TEK: variants seen among roughly 807,000 people sequenced by gnomAD.
TEK encodes the protein angiopoietin-1 receptor.
Under a neutral mutation model 131.8 loss-of-function variants are expected in TEK, and 43 were observed. The observed-to-expected ratio is 0.33, with a 90% CI of 0.26 to 0.42. The LOEUF (loss-of-function observed/expected upper bound fraction) is 0.42, where lower values mean the gene tolerates loss of function less well. TEK is among the 10% of genes least tolerant of loss of function. TEK has a pLI of 1.00. For missense variants in TEK, 1,162 were observed against 1,384.4 expected, an observed-to-expected ratio of 0.84 and a Z score of 2.55; for synonymous variants, 580 against 491.6, an observed-to-expected ratio of 1.18 and a Z score of -2.38.
At chr9:27,226,479 G>C (rs993472664) in intron 21 of TEK, among the ~76,000 whole-genome samples, 1 of 152,030 alleles carries the variant, frequency 6.6e-6, no homozygotes, top group African/African-American at 2.4e-5. Flanking sequence ...ACTAGCACAA[G>C]AACAGAAGAC....
chr9:27,135,941 T>G (rs903710755), intron 1 of TEK, among the ~76,000 whole-genome samples: 3 of 152,212 alleles, frequency 2.0e-5, no homozygotes, highest in Admixed American at 2.0e-4. Flanking sequence ...TTAAAAATGT[T>G]TATCTTTTTG....
chr9:27,183,227 A>G (rs1362330728), intron 7 of TEK, among the ~76,000 whole-genome samples: 1 of 152,168 alleles, frequency 6.6e-6, no homozygotes, highest in Non-Finnish European at 1.5e-5. Flanking sequence ...TGGACTCTGG[A>G]TTTATAAAGA....
chr9:27,131,876 A>G (rs1470731597), intron 1 of TEK, among the ~76,000 whole-genome samples: 1 of 152,094 alleles, frequency 6.6e-6, no homozygotes, highest in East Asian at 1.9e-4. Context: ...TAAATAGTCT[A>G]GGAAAGAAAT....
At chr9:27,209,968 G>C (rs948863703) in intron 16 of TEK, among the ~76,000 whole-genome samples, 8 of 152,142 alleles carry the variant, frequency 5.3e-5, no homozygotes, top group Non-Finnish European at 1.0e-4. Flanking sequence ...TCGTGGAAAA[G>C]TTTGCTCCCA....
intron 1 of TEK, among the ~76,000 whole-genome samples, chr9:27,130,562 A>T (rs918797979): frequency 2.6e-5 from 4 of 152,142 alleles, no homozygotes; most frequent in African/African-American, 4.8e-5. Flanking sequence ...CAAGAATAAT[A>T]AAAGGCAAAG....
chr9:27,195,541 G>A (rs1256174608), intron 11 of TEK: 3 of 422,258 alleles, frequency 7.1e-6, no homozygotes, highest in African/African-American at 2.1e-5. Flanking sequence ...CCCCATAGGA[G>A]TGATTGTGTC....
intron 14 of TEK, among the ~76,000 whole-genome samples, chr9:27,206,198 G>T (rs909841955): frequency 2.6e-5 from 4 of 152,218 alleles, no homozygotes; most frequent in African/African-American, 9.7e-5. Flanking sequence ...TCCTGTGGCT[G>T]CCCCACATAG....
At chr9:27,211,191 A>ATGCATATATATGAATATATATG (rs1825608930) in intron 16 of TEK, among the ~76,000 whole-genome samples, 1 of 143,334 alleles carries the variant, frequency 7.0e-6, no homozygotes, top group Admixed American at 7.0e-5. Context: ...ATATGAATAT[A>ATGCATATATATGAATATATATG]TGTATATATA....
intron 6 of TEK, among the ~76,000 whole-genome samples, chr9:27,175,392 G>A (rs1230077433): frequency 1.3e-5 from 2 of 150,926 alleles, no homozygotes; most frequent in African/African-American, 4.9e-5. Flanking sequence ...TATCATTGTT[G>A]GACATTTGGG....
intron 1 of TEK, among the ~76,000 whole-genome samples, chr9:27,134,047 A>T (rs1384292318): frequency 6.6e-6 from 1 of 152,194 alleles, no homozygotes; most frequent in Non-Finnish European, 1.5e-5. Flanking sequence ...CACTGGCTGT[A>T]GACTGGAAAC....
intron 1 of TEK, among the ~76,000 whole-genome samples, chr9:27,128,638 C>A (rs1384477461): frequency 1.3e-5 from 2 of 152,150 alleles, no homozygotes; most frequent in Non-Finnish European, 2.9e-5. Flanking sequence ...TTGTTTGTGT[C>A]CTTTTTTATT....
chr9:27,195,653 A>C (rs1430397186), intron 11 of TEK: 1 of 455,862 alleles, frequency 2.2e-6, no homozygotes, highest in Non-Finnish European at 4.4e-6. Context: ...CTGAAAACAC[A>C]CTATTTCCTC....
At chr9:27,118,358 G>A (rs1046546091) in intron 1 of TEK, among the ~76,000 whole-genome samples, 1 of 152,176 alleles carries the variant, frequency 6.6e-6, no homozygotes, top group Non-Finnish European at 1.5e-5. Context: ...TGACCAGCCA[G>A]GTGTGGTGGC....
At chr9:27,214,970 C>A (rs972758338) in intron 18 of TEK, among the ~76,000 whole-genome samples, 1 of 152,166 alleles carries the variant, frequency 6.6e-6, no homozygotes, top group African/African-American at 2.4e-5. Flanking sequence ...CTACCTACTC[C>A]AGCTTTCCCA....
rs182843163 is a variant in TEK, at chr9:27,123,644, C to T, written c.52+14002C>T. ...TCTTTTTTATTGTTTTTGAGTATCA[C>T]GTGGAGCTAATGTTCTATATTTTGA... On this transcript the variant is annotated intron_variant, in intron 1 of 22. Transcript: ENST00000380036. Among the ~76,000 whole-genome samples, 45 of 152,230 alleles carry T rather than the reference C, an allele frequency of 3.0e-4. 1 individual carries two copies. The highest frequency in any genetic ancestry group is 5.2e-4 in the Admixed American group (8 of 15,288).
chr9:27,208,927 G>C (rs1477633746), intron 15 of TEK, among the ~76,000 whole-genome samples, 194 bp from the exon 16 acceptor site: 2 of 152,208 alleles, frequency 1.3e-5, no homozygotes, highest in African/African-American at 4.8e-5. Flanking sequence ...GCACAGGACA[G>C]GCCCCTGCAA....
chr9:27,219,731 A>ATG (rs1564107800), intron 20 of TEK, among the ~76,000 whole-genome samples: 1 of 136,490 alleles, frequency 7.3e-6, no homozygotes, highest in Non-Finnish European at 1.7e-5. Flanking sequence ...CAATCAGAAA[A>ATG]AAAGGTTAAT....
intron 17 of TEK, 66 bp from the exon 18 acceptor site, chr9:27,213,418 C>A: frequency 1.7e-6 from 2 of 1,172,186 alleles, no homozygotes; most frequent in Non-Finnish European, 2.6e-6. Context: ...CTTTCCTGTT[C>A]CCCAAAGTTT....
At chr9:27,124,387 TATC>T (rs1489705459) in intron 1 of TEK, among the ~76,000 whole-genome samples, 3 of 152,348 alleles carry the variant, frequency 2.0e-5, no homozygotes, top group African/African-American at 7.2e-5. Context: ...TCTGCGCACA[TATC>T]ATCTTTCTTG....
Sources: allele counts gnomAD v4.1 joint callset (sites outside exome capture counted in the v4.1 genomes callset), GRCh38; gene constraint gnomAD v4.1.1; transcripts MANE v1.5; gene names NCBI Gene and HGNC (gene_info 2026-07-23, HGNC 2026-07-21).